DYM: variants seen among roughly 807,000 people sequenced by gnomAD.
The protein encoded by DYM is dymeclin, also known as dyggve-Melchior-Clausen syndrome protein.
Under a neutral mutation model 93.1 loss-of-function variants are expected in DYM, and 78 were observed. The observed-to-expected ratio is 0.84, with a 90% CI of 0.70 to 1.01. The LOEUF is 1.01. DYM is among the 50% of genes least tolerant of loss of function. The pLI is 0.00. For synonymous variants in DYM, 321 were observed against 319.7 expected, an observed-to-expected ratio of 1.00 and a Z score of -0.04; for missense variants, 789 against 845.0, an observed-to-expected ratio of 0.93 and a Z score of 0.82.
intron 2 of DYM, among the ~76,000 whole-genome samples, chr18:49,429,203 G>C (rs995272408): frequency 2.0e-5 from 3 of 152,198 alleles, no homozygotes; most frequent in Non-Finnish European, 4.4e-5. Flanking sequence ...CTTTCAAGAA[G>C]CCTTGTGATT....
chr18:49,248,687 C>A (rs763237504), intron 13 of DYM, among the ~76,000 whole-genome samples: 1 of 151,308 alleles, frequency 6.6e-6, no homozygotes, highest in Non-Finnish European at 1.5e-5. Context: ...TGGCATTCGT[C>A]TGCAATAAAA....
At chr18:49,258,521 A>G (rs924567216) in intron 11 of DYM, 28 bp from the exon 12 acceptor site, 1 of 1,347,890 alleles carries the variant, frequency 7.4e-7, no homozygotes, top group African/African-American at 1.4e-5. Flanking sequence ...AGTTTAAGTA[A>G]AAAATGATTG....
chr18:49,299,077 C>T (rs1037617893), intron 8 of DYM, among the ~76,000 whole-genome samples: 2 of 152,134 alleles, frequency 1.3e-5, no homozygotes, highest in Non-Finnish European at 2.9e-5. Context: ...CCAGAAACTT[C>T]ATTCCATATG....
Position 49,078,405 on chromosome 18 carries a change from ATAC to A in DYM, c.2025+18994_2025+18996del, listed in dbSNP as rs1321182362. 9.2e-5 allele frequency among the ~76,000 whole-genome samples: 14 copies of A among 152,066 alleles called. No homozygotes were observed. The East Asian group carries it at 2.5e-3, about 27-fold the overall frequency. ...CAAAAATTAAAATATATATATATAT[ATAC>A]TACTTCATGTAAACTATACAACTGT... On this transcript the variant is annotated intron_variant, in intron 17 of 17. Transcript: ENST00000675505.
At chr18:49,375,015 G>A (rs1303493848) in intron 5 of DYM, among the ~76,000 whole-genome samples, 1 of 151,804 alleles carries the variant, frequency 6.6e-6, no homozygotes, top group Non-Finnish European at 1.5e-5. Flanking sequence ...AAGTTCAACA[G>A]GAATTACTTC....
intron 2 of DYM, among the ~76,000 whole-genome samples, chr18:49,411,248 T>A (rs2072209231): frequency 6.6e-6 from 1 of 152,202 alleles, no homozygotes; most frequent in African/African-American, 2.4e-5. Flanking sequence ...AGCAACTAGT[T>A]GGAATTTCTA....
chr18:49,116,429 T>C (rs766873719), intron 16 of DYM: 1 of 152,096 alleles, frequency 6.6e-6, no homozygotes, highest in Non-Finnish European at 1.5e-5. Flanking sequence ...TGGGAAGAAA[T>C]AGAAATGAAT....
chr18:49,205,447 C>T (rs912905419), intron 14 of DYM, among the ~76,000 whole-genome samples: 1 of 151,902 alleles, frequency 6.6e-6, no homozygotes, highest in Non-Finnish European at 1.5e-5. Context: ...TAATTTATTA[C>T]AGATTGCCAT....
chr18:49,417,647 ATATACATGCTAT>A (rs1240773700), intron 2 of DYM, among the ~76,000 whole-genome samples: 1 of 152,214 alleles, frequency 6.6e-6, no homozygotes, highest in Non-Finnish European at 1.5e-5. Flanking sequence ...AGTGTGTATA[ATATACATGCTAT>A]TATTTATCAA....
At chr18:49,148,887 G>C (rs2043717066) in intron 15 of DYM, among the ~76,000 whole-genome samples, 1 of 152,168 alleles carries the variant, frequency 6.6e-6, no homozygotes, top group African/African-American at 2.4e-5. Context: ...CACGGATGCA[G>C]GGTGGTGCTT....
At chr18:49,442,412 A>G (rs997869647) in intron 1 of DYM, among the ~76,000 whole-genome samples, 4 of 151,644 alleles carry the variant, frequency 2.6e-5, no homozygotes, top group Non-Finnish European at 5.9e-5. Flanking sequence ...TAGCCCAGAC[A>G]TGGTGGTGCA....
At chr18:49,152,149 C>T (rs1011037963) in intron 15 of DYM, among the ~76,000 whole-genome samples, 5 of 151,950 alleles carry the variant, frequency 3.3e-5, no homozygotes, top group South Asian at 2.1e-4. Flanking sequence ...GCCAGAGAGA[C>T]GAAGGAACAT....
chr18:49,138,713 T>C (rs770784574), intron 15 of DYM, among the ~76,000 whole-genome samples: 3 of 152,160 alleles, frequency 2.0e-5, no homozygotes, highest in Non-Finnish European at 2.9e-5. Flanking sequence ...CTGTACTAAC[T>C]GGAATTTAGA....
At chr18:49,285,015 T>C (rs2095088092) in intron 9 of DYM, among the ~76,000 whole-genome samples, 1 of 152,156 alleles carries the variant, frequency 6.6e-6, no homozygotes, top group Non-Finnish European at 1.5e-5. Flanking sequence ...CTTTTAGCCC[T>C]TGACTCCCTT....
intron 8 of DYM, among the ~76,000 whole-genome samples, chr18:49,287,397 C>T (rs2059732791): frequency 6.6e-6 from 1 of 150,476 alleles, no homozygotes; most frequent in Non-Finnish European, 1.5e-5. Flanking sequence ...TTCTTACAAA[C>T]TAGAAAGGGA....
intron 14 of DYM, among the ~76,000 whole-genome samples, chr18:49,168,709 A>G (rs1313015031): frequency 2.0e-5 from 3 of 152,172 alleles, no homozygotes; most frequent in Non-Finnish European, 2.9e-5. Flanking sequence ...TGAGAAAAAA[A>G]AAATTTTTAC....
chr18:49,247,010 A>G (rs2094186576), intron 13 of DYM, among the ~76,000 whole-genome samples: 1 of 152,212 alleles, frequency 6.6e-6, no homozygotes. Flanking sequence ...GCTCCGGGCT[A>G]TCTCTGCGTG....
intron 16 of DYM, 200 bp downstream of exon 16, chr18:49,118,544 C>A (rs2082109451): frequency 5.3e-6 from 3 of 562,558 alleles, no homozygotes; most frequent in Admixed American, 6.3e-5. Context: ...AGTATGACTT[C>A]AATTGTATTA....
intron 8 of DYM, among the ~76,000 whole-genome samples, chr18:49,287,002 C>G (rs2059709024): frequency 6.6e-6 from 1 of 152,060 alleles, no homozygotes; most frequent in African/African-American, 2.4e-5. Flanking sequence ...ACCAGCCTAA[C>G]CAACATGGTG....
Sources: allele counts gnomAD v4.1 joint callset (sites outside exome capture counted in the v4.1 genomes callset), GRCh38; gene constraint gnomAD v4.1.1; transcripts MANE v1.5; gene names NCBI Gene and HGNC (gene_info 2026-07-23, HGNC 2026-07-21).